The following WDR90 variants were observed in gnomAD, a reference collection of about 807,000 sequenced individuals.
The protein encoded by WDR90 is WD repeat-containing protein 90.
WDR90 carries 238 observed loss-of-function variants against 195.2 expected under a neutral mutation model. The observed-to-expected ratio is 1.22, with a 90% CI of 1.10 to 1.36. The LOEUF is 1.36. Ranked by LOEUF, WDR90 falls within the 40% of genes most tolerant of loss-of-function variation. The probability of loss-of-function intolerance (pLI) is 0.00; values close to 1 mark genes in which losing one functional copy is unlikely to be tolerated. For missense variants in WDR90, 2,734 were observed against 2,439.5 expected (o/e 1.12, Z -2.54); for synonymous variants, 1,265 against 1,052.4 (o/e 1.20, Z -3.91).
rs1596459235 is a variant in WDR90 at position 652,047 on chromosome 16, C to G, written c.1053+8C>G. 6.3e-7 allele frequency: 1 copy of G among 1,584,982 alleles called. No individual in the cohort carries two copies. The highest frequency in any genetic ancestry group is 1.1e-5 in the South Asian group (1 of 87,904). On this transcript the variant is annotated splice_region_variant and intron_variant, in intron 9 of 40. Coordinates refer to ENST00000293879, the MANE Select transcript of WDR90 (RefSeq NM_145294.5). The stretch of plus-strand genomic sequence containing the variant: ...CGCACCGGCTCCTGCGAAGTGAGTG[C>G]CCATCCCACAGCAGGCGGGGCCTGG...
upstream of WDR90, chr16:649,197 G>A (rs906552131): frequency 2.2e-6 from 1 of 450,760 alleles, no homozygotes; most frequent in Non-Finnish European, 3.6e-6. Flanking sequence ...GGAGGCCCGC[G>A]GGGCAAAGGG....
At position 658,646 on chromosome 16, in the gene WDR90, GC is replaced by G. The variant is rs765513718; in HGVS notation, c.2893del (p.Gln965ArgfsTer146). ...GACTACGCCACACAGGCCAGCCCAG[GC>G]CCCCAGGTGTGTGCGTGGGGAGGCA... is the stretch of plus-strand genomic sequence containing the variant. Reference protein sequence around the residue: ...VWDYATQASPGPQVYIGHSEP... With the variant: ...VWDYATQASPXPQVYIGHSEP... On this transcript the variant is annotated frameshift_variant, in exon 23 of 41. Transcript: ENST00000293879. LOFTEE classifies it high-confidence loss of function. The G allele has an allele frequency of 2.5e-6, 4 of 1,607,964 alleles. No individual in the cohort carries two copies. Among genetic ancestry groups the G allele is most frequent in the East Asian group, 4.5e-5 (2 of 44,740 alleles).
intron 19 of WDR90, 106 bp from the exon 20 acceptor site, chr16:656,985 G>T: frequency 7.7e-6 from 12 of 1,553,396 alleles, no homozygotes; most frequent in Non-Finnish European, 1.0e-5. Flanking sequence ...ACCCTTTGCT[G>T]CCCCATGGGG....
In WDR90 at chr16:657,093, G is replaced by A. The variant is rs1238191577; in HGVS notation, c.2345G>A (p.Cys782Tyr). The A allele has an allele frequency of 3.1e-6, 5 of 1,597,442 alleles. No homozygotes were observed. In the Admixed American group the frequency reaches 5.1e-5, roughly 16 times the overall value. ...CGGGGTCCCTGTGTGTGCTGCAGGT[G>A]CCACCGAGGAGCTGTCACCGGCCTG... Reference protein sequence around the residue: ...EAAEVLVEHTCHRGAVTGLTA... With the variant: ...EAAEVLVEHTYHRGAVTGLTA... The change falls in exon 20 of 41, where the codon TGC becomes TAC. Residue 782 changes from cysteine (C) to tyrosine (Y), a missense_variant and splice_region_variant. By Grantham distance (194) the Cys-to-Tyr change is radical (BLOSUM62 -2). Transcript: ENST00000293879.
rs1376403234 is a variant in WDR90 at position 667,657 on chromosome 16, C to T, written c.*68C>T. 2 of 1,587,354 alleles carry T rather than the reference C, an allele frequency of 1.3e-6. No individual in the cohort carries two copies. Among genetic ancestry groups the T allele is most frequent in the Non-Finnish European group, 1.7e-6 (2 of 1,173,850 alleles). ...GCCAGGCACCTGGACACAGGCTTGG[C>T]AGAGGCGCCAGGTTGTCAATGGCCT... is the stretch of plus-strand genomic sequence containing the variant. On this transcript the variant is annotated 3_prime_UTR_variant, in exon 41 of 41. Transcript: ENST00000293879.
chr16:662,236 G>C lies in WDR90; in HGVS notation c.4050G>C (p.Ser1350=). The C allele has an allele frequency of 6.3e-7, 1 of 1,575,392 alleles. No individual in the cohort carries two copies. The highest frequency in any genetic ancestry group is 8.6e-7 in the Non-Finnish European group (1 of 1,161,718). ...TGCCCCTAGGGCTGTTGCTGTTCTC[G>C]GGTTCTCGATTGGTCAGCGGCAGCA... The part of the protein sequence containing the change: ...DDGGIGLLLF[S]GSRLVSGSST... Residue 1350 remains serine, a synonymous_variant, in exon 33 of 41, where the codon TCG becomes TCC. Coordinates refer to ENST00000293879, the MANE Select transcript of WDR90 (RefSeq NM_145294.5).
rs545199985 is a variant in WDR90, at chr16:661,462, C to G, written c.3634C>G (p.Leu1212Val). The G allele has an allele frequency of 1.7e-5, 28 of 1,611,466 alleles. No individual in the cohort carries two copies. In the South Asian group the frequency reaches 3.0e-4, roughly 17 times the overall value. The change falls in exon 30 of 41, where the codon CTG becomes GTG. Residue 1212 changes from leucine to valine, a missense_variant. Coordinates refer to ENST00000293879, the MANE Select transcript of WDR90 (RefSeq NM_145294.5). ...CCCCCATAGCACCACCGTGCTGGCC[C>G]TGGCCTTCTCACCAGATGACAGGCT... ...IFPHSTTVLA[L>V]AFSPDDRLLV...
At chr16:649,627 C>T (rs1379741004) in intron 1 of WDR90, 136 bp from the exon 2 acceptor site, 65 of 1,158,108 alleles carry the variant, frequency 5.6e-5, no homozygotes, top group Non-Finnish European at 7.9e-6. Flanking sequence ...TCCCGCCAGC[C>T]TAGCTGGCGT....
chr16:664,684 A>AT (rs71391146), intron 34 of WDR90, among the ~76,000 whole-genome samples: 8,497 of 141,692 alleles, frequency 0.06, 635 homozygotes, highest in African/African-American at 0.18. Flanking sequence ...GCTGAACTGA[A>AT]TTTTTTTTTT....
chr16:667,013 G>C, intron 40 of WDR90, 24 bp downstream of exon 40: 1 of 1,571,988 alleles, frequency 6.4e-7, no homozygotes, highest in Non-Finnish European at 8.6e-7. Context: ...GATGCAGTTT[G>C]GGCCTGTCTT....
Position 658,171 on chromosome 16 carries a change from C to G in WDR90, c.2605-12C>G. 1 of 1,604,008 alleles carries G rather than the reference C, an allele frequency of 6.2e-7. No individual in the cohort carries two copies. Among genetic ancestry groups the G allele is most frequent in the Non-Finnish European group, 8.5e-7 (1 of 1,174,340 alleles). On this transcript the variant is annotated splice_polypyrimidine_tract_variant and intron_variant, in intron 21 of 40. Transcript: ENST00000293879. ...GGGGCCCTGACTGTCGGCCACTTAC[C>G]ACTACCCCCAGCTGCTGCGAGTTGA...
rs754290989 is a variant in WDR90 at position 656,486 on chromosome 16, C to T, written c.2151C>T (p.Thr717=). The change falls in exon 18 of 41, where the codon ACC becomes ACT. Residue 717 remains threonine (T), a synonymous_variant. Transcript: ENST00000293879. ...AMEQRRGQLA[T]VSQDRTVRIW... ...AGCAGAGGCGGGGACAGCTGGCCACCGTGTCCCAGGACCGTACCGTCCGCA... is the reference window on the plus strand; with the variant it reads ...AGCAGAGGCGGGGACAGCTGGCCACTGTGTCCCAGGACCGTACCGTCCGCA... 34 of 1,582,926 alleles carry T rather than the reference C, an allele frequency of 2.1e-5. No homozygotes were observed. Among genetic ancestry groups the T allele is most frequent in the East Asian group, 9.3e-5 (4 of 43,186 alleles).
At position 650,320 on chromosome 16, in the gene WDR90, C is replaced by T. The variant is rs771573098; in HGVS notation, c.346C>T (p.Leu116Phe). The T allele has an allele frequency of 9.3e-6, 15 of 1,612,964 alleles. No individual in the cohort carries two copies. The highest frequency in any genetic ancestry group is 1.3e-5 in the Non-Finnish European group (15 of 1,179,978). The change falls in exon 4 of 41, where the codon CTC becomes TTC. Residue 116 changes from leucine (L) to phenylalanine (F), a missense_variant. Transcript: ENST00000293879. ...FKEFKSTATW[L>F]QFPLVLEART... ...GGAGTTTAAGTCTACGGCCACGTGGCTCCAGTTTCCCTTGGTCCTGGAGGC... is the reference window on the plus strand; with the variant it reads ...GGAGTTTAAGTCTACGGCCACGTGGTTCCAGTTTCCCTTGGTCCTGGAGGC...
Position 661,443 on chromosome 16 carries a change from T to A in WDR90, c.3615T>A (p.His1205Gln), listed in dbSNP as rs1270501407. ...GGLCQHLIFP[H>Q]STTVLALAFS... is the part of the protein sequence containing the mutation. Reference sequence around the variant, plus strand: ...TCTGCCAGCATCTCATTTTCCCCCATAGCACCACCGTGCTGGCCCTGGCCT... The same window carrying A: ...TCTGCCAGCATCTCATTTTCCCCCAAAGCACCACCGTGCTGGCCCTGGCCT... The change falls in exon 30 of 41, where the codon CAT (histidine) becomes CAA (glutamine). Residue 1205 changes from histidine to glutamine, a missense_variant. Physicochemically the swap from His to Gln is conservative, Grantham distance 24 (BLOSUM62 0). Transcript: ENST00000293879. 6.2e-7 allele frequency: 1 copy of A among 1,612,270 alleles called. No homozygotes were observed. Among genetic ancestry groups the A allele is most frequent in the Non-Finnish European group, 8.5e-7 (1 of 1,179,848 alleles).
chr16:661,551 G>A (rs2037914398), intron 30 of WDR90, 46 bp from the exon 31 acceptor site: 1 of 1,579,766 alleles, frequency 6.3e-7, no homozygotes, highest in Admixed American at 1.7e-5. Context: ...ACCCCGGGGG[G>A]GGCTGCATCT....
chr16:662,641 A>G, intron 33 of WDR90, 38 bp from the exon 34 acceptor site: 1 of 1,517,356 alleles, frequency 6.6e-7, no homozygotes, highest in Non-Finnish European at 8.8e-7. Flanking sequence ...CGGCCTTGAG[A>G]CCCATTGTTC....
At chr16:665,253 CCTGT>C (rs2037998135) in intron 34 of WDR90, 1 of 357,816 alleles carries the variant, frequency 2.8e-6, no homozygotes, top group Non-Finnish European at 5.0e-6. Context: ...CGGCCACACT[CCTGT>C]CTTTCAGCCT....
Position 666,095 on chromosome 16 carries a change from C to G in WDR90, c.4580C>G (p.Ala1527Gly). 1 of 1,610,362 alleles carries G rather than the reference C, an allele frequency of 6.2e-7. No homozygotes were observed. Among genetic ancestry groups the G allele is most frequent in the Non-Finnish European group, 8.5e-7 (1 of 1,179,534 alleles). The change falls in exon 36 of 41, where the codon GCG (alanine) becomes GGG (glycine). Residue 1527 changes from alanine (A) to glycine (G), a missense_variant. Physicochemically the swap from Ala to Gly is moderately conservative, Grantham distance 60. Transcript: ENST00000293879. ...MELKMHPHPVALTTVAFSTDG... is the reference protein window; with the variant it reads ...MELKMHPHPVGLTTVAFSTDG... ...CTCAAGATGCACCCCCACCCGGTGGCGCTGACCACTGTTGCCTTCTCCACC... is the reference window on the plus strand; with the variant it reads ...CTCAAGATGCACCCCCACCCGGTGGGGCTGACCACTGTTGCCTTCTCCACC...
chr16:665,473 T>C, intron 34 of WDR90: 1 of 723,180 alleles, frequency 1.4e-6, no homozygotes, highest in South Asian at 1.8e-5. Context: ...CTAGTGGGCT[T>C]GCTTTGGTTT....
Sources: gnomAD v4.1 joint callset for allele counts (sites outside exome capture counted in the v4.1 genomes callset) on GRCh38, gnomAD v4.1.1 for gene constraint, MANE v1.5 for transcripts, NCBI Gene and HGNC (gene_info 2026-07-23, HGNC 2026-07-21) for gene names.